Variants in PTBP3 observed in about 807,000 individuals in gnomAD.
The protein encoded by PTBP3 is polypyrimidine tract binding protein 3, also known as polypyrimidine tract-binding protein 3.
In PTBP3, 20 loss-of-function variants were observed where a neutral mutation model predicts 58.7. That is an observed-to-expected ratio of 0.34 (90% CI 0.24 to 0.50). PTBP3 has a LOEUF of 0.50. Ranked by LOEUF, PTBP3 falls within the 20% of genes least tolerant of loss-of-function variation. The pLI is 0.98. For synonymous variants in PTBP3, 185 were observed against 219.8 expected (o/e 0.84, Z 1.40); for missense variants, 509 against 637.2 (o/e 0.80, Z 2.17).
chr9:112,361,589 TTTG>T, the PTBP3 span, among the ~76,000 whole-genome samples: 1 of 152,188 alleles, frequency 6.6e-6, no homozygotes, highest in African/African-American at 2.4e-5. Context: ...TATAGAAAAC[TTTG>T]TTATTTTTGC....
Position 112,252,797 on chromosome 9 carries a change from C to G in PTBP3, c.517-9G>C, listed in dbSNP as rs1202324035. The G allele has an allele frequency of 2.1e-6, 3 of 1,450,304 alleles. No homozygotes were observed. Among genetic ancestry groups the G allele is most frequent in the African/African-American group, 2.8e-5 (2 of 71,524 alleles). 89.8% of individuals were successfully genotyped at this position (1,450,304 alleles called of 1,614,324 possible). ...CCAAATTTAGAAAATATCTGGAAAA[C>G]AGTTCACATTAGGTTAAATGTAAAA... On this transcript the variant is annotated splice_polypyrimidine_tract_variant and intron_variant, in intron 5 of 13. Transcript: ENST00000374257.
the PTBP3 span, among the ~76,000 whole-genome samples, chr9:112,367,251 C>T: frequency 1.3e-5 from 2 of 152,108 alleles, no homozygotes; most frequent in Non-Finnish European, 2.9e-5. Context: ...GATTTATGTA[C>T]CCCCATTACT....
At chr9:112,228,982 A>G (rs1835099885) in intron 10 of PTBP3, among the ~76,000 whole-genome samples, 1 of 152,004 alleles carries the variant, frequency 6.6e-6, no homozygotes, top group Non-Finnish European at 1.5e-5. Context: ...TCATCTTATT[A>G]CCCTCGATTT....
At chr9:112,320,291 A>AAAAATATATAT (rs1411646280) in intron 1 of PTBP3, among the ~76,000 whole-genome samples, 13 of 73,528 alleles carry the variant, frequency 1.8e-4, no homozygotes, top group African/African-American at 1.1e-3. Context: ...AAAAAAAAAA[A>AAAAATATATAT]ATATATATAT....
intron 7 of PTBP3, among the ~76,000 whole-genome samples, chr9:112,239,014 A>G (rs1835540288): frequency 6.6e-6 from 1 of 152,216 alleles, no homozygotes; most frequent in African/African-American, 2.4e-5. Flanking sequence ...CTGATTGTAC[A>G]AAACAATAAT....
At chr9:112,348,350 C>G in the PTBP3 span, among the ~76,000 whole-genome samples, 3 of 152,220 alleles carry the variant, frequency 2.0e-5, no homozygotes, top group African/African-American at 2.4e-5. Context: ...CAGCAGCTTC[C>G]CGATTAGATA....
chr9:112,292,045 A>G (rs1825450458), intron 2 of PTBP3, among the ~76,000 whole-genome samples: 1 of 152,226 alleles, frequency 6.6e-6, no homozygotes, highest in Admixed American at 6.5e-5. Flanking sequence ...AAATGGGCAA[A>G]TTGAAGTCTG....
At chr9:112,341,206 A>G in the PTBP3 span, among the ~76,000 whole-genome samples, 1 of 152,174 alleles carries the variant, frequency 6.6e-6, no homozygotes, top group South Asian at 2.1e-4. Flanking sequence ...AGCTCGGCCC[A>G]CTGCAACCTC....
At chr9:112,314,924 C>A (rs1409085650) in intron 1 of PTBP3, among the ~76,000 whole-genome samples, 1 of 151,686 alleles carries the variant, frequency 6.6e-6, no homozygotes, top group Non-Finnish European at 1.5e-5. Context: ...CTCCGCCTCC[C>A]GGGTTTACAC....
the PTBP3 span, among the ~76,000 whole-genome samples, chr9:112,346,480 A>C: frequency 6.6e-6 from 1 of 151,980 alleles, no homozygotes; most frequent in East Asian, 1.9e-4. Flanking sequence ...AAATATAAAA[A>C]CTTGATGTAG....
At chr9:112,302,459 A>G (rs747744175) in intron 1 of PTBP3, among the ~76,000 whole-genome samples, 9 of 152,160 alleles carry the variant, frequency 5.9e-5, no homozygotes, top group Non-Finnish European at 8.8e-5. Flanking sequence ...AGAAATGTAC[A>G]GGAAAGCACT....
intron 2 of PTBP3, among the ~76,000 whole-genome samples, chr9:112,277,956 C>CATAAT (rs1274503544): frequency 3.8e-4 from 37 of 98,538 alleles, no homozygotes; most frequent in South Asian, 2.6e-3. Context: ...TATAACATAA[C>CATAAT]ATAACATAAC....
chr9:112,339,111 G>A, the PTBP3 span, among the ~76,000 whole-genome samples: 111 of 151,946 alleles, frequency 7.3e-4, no homozygotes, highest in African/African-American at 2.5e-3. Flanking sequence ...AGGCAAGGGC[G>A]AAATGCCGTC....
Position 112,262,418 on chromosome 9 carries a change from T to C in PTBP3, c.516+17A>G. Reference sequence around the variant, plus strand: ...ATATTTAACTTAACTTTCTTAAGGGTATTTATTCCTCCTTACCTGATGAAG... The same window carrying C: ...ATATTTAACTTAACTTTCTTAAGGGCATTTATTCCTCCTTACCTGATGAAG... On this transcript the variant is annotated intron_variant, in intron 5 of 13. Coordinates refer to ENST00000374257, the MANE Select transcript of PTBP3 (RefSeq NM_001163788.4). 5 of 1,556,530 alleles carry C rather than the reference T, an allele frequency of 3.2e-6. No homozygotes were observed. Among genetic ancestry groups the C allele is most frequent in the Non-Finnish European group, 4.3e-6 (5 of 1,156,936 alleles).
chr9:112,284,800 G>A (rs1401343601), intron 2 of PTBP3, among the ~76,000 whole-genome samples: 2 of 152,144 alleles, frequency 1.3e-5, no homozygotes, highest in Non-Finnish European at 2.9e-5. Context: ...TGGCCCTTGC[G>A]TTTTGATCAC....
chr9:112,339,762 C>T, the PTBP3 span, among the ~76,000 whole-genome samples: 4 of 151,708 alleles, frequency 2.6e-5, no homozygotes, highest in Non-Finnish European at 5.9e-5. Flanking sequence ...TGGGATTTTG[C>T]CATGTTGGCC....
chr9:112,258,722 C>G (rs1589832943), intron 5 of PTBP3, among the ~76,000 whole-genome samples: 1 of 152,272 alleles, frequency 6.6e-6, no homozygotes, highest in East Asian at 1.9e-4. Context: ...AATATATCCA[C>G]AGAAGCCTGT....
the PTBP3 span, among the ~76,000 whole-genome samples, chr9:112,361,958 T>C: frequency 1.3e-5 from 2 of 152,236 alleles, no homozygotes; most frequent in East Asian, 1.9e-4. Context: ...TGGAATCTCA[T>C]TGTGGTTTTG....
At chr9:112,340,816 C>T in the PTBP3 span, among the ~76,000 whole-genome samples, 2 of 151,290 alleles carry the variant, frequency 1.3e-5, no homozygotes, top group Non-Finnish European at 2.9e-5. Context: ...GCGGAGGTTG[C>T]GGTGAGCCGA....
Sources: allele counts gnomAD v4.1 joint callset (sites outside exome capture counted in the v4.1 genomes callset), GRCh38; gene constraint gnomAD v4.1.1; transcripts MANE v1.5; gene names NCBI Gene and HGNC (gene_info 2026-07-23, HGNC 2026-07-21).